The following ATG5 variants were observed in gnomAD, a reference collection of about 807,000 sequenced individuals.
The protein encoded by ATG5 is autophagy protein 5.
ATG5 carries 14 observed loss-of-function variants against 36.5 expected under a neutral mutation model. The observed-to-expected ratio is 0.38, with a 90% CI of 0.25 to 0.60. The LOEUF is 0.60. Among genes scored for constraint, ATG5 ranks in the 20% least tolerant of loss-of-function variants. The pLI, the probability that ATG5 is intolerant of heterozygous loss-of-function variation, is 0.60. For synonymous variants in ATG5, 95 were observed against 101.5 expected, an observed-to-expected ratio of 0.94 and a Z score of 0.38; for missense variants, 195 against 326.7, an observed-to-expected ratio of 0.60 and a Z score of 3.11.
At chr6:106,219,108 A>C (rs140653243) in intron 6 of ATG5, among the ~76,000 whole-genome samples, 54 of 152,236 alleles carry the variant, frequency 3.5e-4, no homozygotes, top group African/African-American at 1.3e-3. Context: ...GAGCAGAATA[A>C]ATTCTTTTGT....
intron 6 of ATG5, among the ~76,000 whole-genome samples, chr6:106,233,041 G>C (rs181328529): frequency 6.6e-6 from 1 of 152,260 alleles, no homozygotes; most frequent in Non-Finnish European, 1.5e-5. Context: ...TTGTCCTTTG[G>C]TATGTGGATG....
At chr6:106,222,982 T>C (rs1777308861) in intron 6 of ATG5, among the ~76,000 whole-genome samples, 1 of 152,212 alleles carries the variant, frequency 6.6e-6, no homozygotes, top group Admixed American at 6.5e-5. Context: ...CTTAAAAATA[T>C]TGAATAAAAC....
chr6:106,217,090 A>T (rs1473232418), intron 6 of ATG5, among the ~76,000 whole-genome samples: 10 of 152,022 alleles, frequency 6.6e-5, no homozygotes, highest in South Asian at 2.1e-4. Flanking sequence ...TGGGTTTTTT[A>T]AAAAAATTAT....
intron 6 of ATG5, among the ~76,000 whole-genome samples, chr6:106,229,213 C>A (rs556328572): frequency 6.6e-6 from 1 of 152,254 alleles, no homozygotes; most frequent in South Asian, 2.1e-4. Context: ...AAGCTCTATG[C>A]TGCGCCCTTA....
At chr6:106,221,329 G>A (rs1777237567) in intron 6 of ATG5, among the ~76,000 whole-genome samples, 1 of 152,100 alleles carries the variant, frequency 6.6e-6, no homozygotes, top group Non-Finnish European at 1.5e-5. Flanking sequence ...CTATAGAACA[G>A]CTCTATTTTC....
chr6:106,307,720 G>C (rs9398078), intron 3 of ATG5, among the ~76,000 whole-genome samples: 22,435 of 151,974 alleles, frequency 0.15, 1,988 homozygotes, highest in Non-Finnish European at 0.19. Context: ...ATTTTTAGTA[G>C]AGATGGGGTT....
chr6:106,284,498 T>C (rs1191988290), intron 4 of ATG5, among the ~76,000 whole-genome samples: 3 of 152,132 alleles, frequency 2.0e-5, no homozygotes, highest in East Asian at 1.9e-4. Flanking sequence ...TATAGGCACA[T>C]GCCACCACAC....
intron 5 of ATG5, among the ~76,000 whole-genome samples, chr6:106,259,413 G>C (rs2114546331): frequency 6.6e-6 from 1 of 152,214 alleles, no homozygotes; most frequent in East Asian, 1.9e-4. Flanking sequence ...TCCTCCCAGT[G>C]TTTCTCAAAT....
At chr6:106,291,403 T>C (rs1275095485) in intron 4 of ATG5, among the ~76,000 whole-genome samples, 1 of 152,234 alleles carries the variant, frequency 6.6e-6, no homozygotes, top group Non-Finnish European at 1.5e-5. Context: ...TTAACCACCA[T>C]TGTTGTTGCA....
intron 4 of ATG5, among the ~76,000 whole-genome samples, chr6:106,282,261 C>T (rs1014079146): frequency 4.6e-5 from 7 of 152,232 alleles, no homozygotes; most frequent in Non-Finnish European, 7.3e-5. Flanking sequence ...TCACCTGTCA[C>T]GGCGCAAGTC....
At chr6:106,299,120 G>C (rs552187622) in intron 3 of ATG5, among the ~76,000 whole-genome samples, 1 of 152,258 alleles carries the variant, frequency 6.6e-6, no homozygotes, top group African/African-American at 2.4e-5. Flanking sequence ...CTGGAATACG[G>C]TCCACCCTTG....
chr6:106,246,408 A>T (rs1277734702), intron 6 of ATG5, among the ~76,000 whole-genome samples: 25 of 150,276 alleles, frequency 1.7e-4, no homozygotes, highest in Non-Finnish European at 2.4e-4. Flanking sequence ...ACACACACAC[A>T]CACACACACA....
chr6:106,246,388 T>TCACACA (rs1309723567), intron 6 of ATG5, among the ~76,000 whole-genome samples: 3 of 95,490 alleles, frequency 3.1e-5, no homozygotes, highest in Admixed American at 1.3e-4. Flanking sequence ...TCTCTCTCTC[T>TCACACA]CTCTCACACA....
intron 6 of ATG5, among the ~76,000 whole-genome samples, chr6:106,212,674 C>A (rs1165461208): frequency 6.6e-6 from 1 of 152,140 alleles, no homozygotes; most frequent in Non-Finnish European, 1.5e-5. Context: ...CTCAAAAAAC[C>A]CTATTGGCAA....
intron 7 of ATG5, among the ~76,000 whole-genome samples, chr6:106,199,118 G>A (rs1219112523): frequency 1.3e-5 from 2 of 152,214 alleles, no homozygotes; most frequent in Non-Finnish European, 2.9e-5. Context: ...TACACCGCTG[G>A]TGAGACTGTA....
chr6:106,230,482 C>T (rs906757101), intron 6 of ATG5, among the ~76,000 whole-genome samples: 11 of 151,948 alleles, frequency 7.2e-5, no homozygotes, highest in East Asian at 3.9e-4. Flanking sequence ...TCAAGAAAGG[C>T]GGGAAAAGGG....
chr6:106,246,614 C>G (rs1004041553), intron 6 of ATG5, among the ~76,000 whole-genome samples: 10 of 152,078 alleles, frequency 6.6e-5, no homozygotes, highest in Admixed American at 2.0e-4. Flanking sequence ...ATTTTCCCTA[C>G]AGGAGTTTAA....
At chr6:106,255,226 G>C (rs755472594) in intron 5 of ATG5, among the ~76,000 whole-genome samples, 2 of 152,170 alleles carry the variant, frequency 1.3e-5, no homozygotes, top group Non-Finnish European at 2.9e-5. Context: ...TTAAGACCTA[G>C]ATAACCATTC....
chr6:106,198,274 G>C (rs1481647922), intron 7 of ATG5, among the ~76,000 whole-genome samples: 2 of 152,170 alleles, frequency 1.3e-5, no homozygotes, highest in Non-Finnish European at 2.9e-5. Context: ...GTTGTCTCTA[G>C]AAAGGGGAAC....
Sources: gnomAD v4.1 joint callset for allele counts (sites outside exome capture counted in the v4.1 genomes callset) on GRCh38, gnomAD v4.1.1 for gene constraint, MANE v1.5 for transcripts, NCBI Gene and HGNC (gene_info 2026-07-23, HGNC 2026-07-21) for gene names.